The following PECR variants were observed in gnomAD, a reference collection of about 807,000 sequenced individuals.
The protein encoded by PECR is peroxisomal trans-2-enoyl-CoA reductase.
Under a neutral mutation model 35.3 loss-of-function variants are expected in PECR, and 30 were observed. The observed-to-expected ratio is 0.85, with a 90% confidence interval of 0.64 to 1.15. The LOEUF (loss-of-function observed/expected upper bound fraction) is 1.15, where lower values mean the gene tolerates loss of function less well. PECR is among the 50% of genes most tolerant of loss of function. PECR has a pLI of 0.00. For missense variants in PECR, 392 were observed against 370.8 expected (o/e 1.06, Z -0.47); for synonymous variants, 148 against 138.9 (o/e 1.07, Z -0.46).
At chr2:216,070,183 T>C (rs1422305788) in intron 1 of PECR, among the ~76,000 whole-genome samples, 2 of 152,242 alleles carry the variant, frequency 1.3e-5, no homozygotes, top group African/African-American at 4.8e-5. Flanking sequence ...TTTTTATTTT[T>C]AACTGACAAA....
chr2:216,033,102 T>G (rs1209513415), intron 7 of PECR: 1 of 152,238 alleles, frequency 6.6e-6, no homozygotes, highest in East Asian at 1.9e-4. Flanking sequence ...TACCCAAGAT[T>G]GAGAGACTAG....
intron 3 of PECR, among the ~76,000 whole-genome samples, chr2:216,059,819 G>A (rs543542701): frequency 1.3e-5 from 2 of 152,118 alleles, no homozygotes; most frequent in African/African-American, 4.8e-5. Flanking sequence ...TCAAGAAATA[G>A]CTTTGCAATC....
At chr2:216,051,591 AT>A in intron 4 of PECR, 46 bp from the exon 5 acceptor site, 1 of 1,175,922 alleles carries the variant, frequency 8.5e-7, no homozygotes. Flanking sequence ...TCTGTTGAAT[AT>A]TTCTCTTGTT....
chr2:216,072,354 T>C (rs1003668764), intron 1 of PECR, among the ~76,000 whole-genome samples: 1 of 152,242 alleles, frequency 6.6e-6, no homozygotes, highest in South Asian at 2.1e-4. Context: ...TTGTATAAGA[T>C]AAGCTAGCTA....
chr2:216,032,104 AC>A (rs1391887736), intron 7 of PECR, among the ~76,000 whole-genome samples: 2 of 152,218 alleles, frequency 1.3e-5, no homozygotes, highest in Non-Finnish European at 2.9e-5. Flanking sequence ...ATTCTAACTT[AC>A]ATCTACTGTG....
intron 5 of PECR, among the ~76,000 whole-genome samples, chr2:216,050,169 C>A (rs1386249743): frequency 6.6e-6 from 1 of 152,138 alleles, no homozygotes; most frequent in African/African-American, 2.4e-5. Context: ...CTGCAGTGAG[C>A]CGTGATCGCA....
At chr2:216,065,967 T>A (rs140147417) in intron 2 of PECR, among the ~76,000 whole-genome samples, 1 of 152,002 alleles carries the variant, frequency 6.6e-6, no homozygotes, top group East Asian at 1.9e-4. Flanking sequence ...TTATGAAAAA[T>A]ACAAAAATTA....
At chr2:216,065,942 C>T (rs6731068) in intron 2 of PECR, among the ~76,000 whole-genome samples, 111,662 of 152,120 alleles carry the variant, frequency 0.73, 41,102 homozygotes, top group Admixed American at 0.77. Context: ...CTGGCCAACA[C>T]GGTGAAACCC....
chr2:216,049,249 GAA>G lies in PECR; in HGVS notation c.714+12_714+13del. 8.0e-7 allele frequency: 1 copy of G among 1,246,500 alleles called. No individual in the cohort carries two copies. Among genetic ancestry groups the G allele is most frequent in the Non-Finnish European group, 1.2e-6 (1 of 844,192 alleles). 77.2% of individuals were successfully genotyped at this position (1,246,500 alleles called of 1,614,324 possible). A position where few individuals can be genotyped will look rare whatever the true frequency, so the allele number is the denominator to read the frequency against. On this transcript the variant is annotated intron_variant, in intron 6 of 7. Transcript: ENST00000265322. Reference sequence around the variant, plus strand: ...CACACAGCAATTCTAATCAATGCTGGAAATATACCTTACCTCCTCAGGAACAC... The same window carrying G: ...CACACAGCAATTCTAATCAATGCTGGATATACCTTACCTCCTCAGGAACAC...
chr2:216,078,235 T>C (rs550162675), intron 1 of PECR, among the ~76,000 whole-genome samples: 1 of 152,202 alleles, frequency 6.6e-6, no homozygotes, highest in Non-Finnish European at 1.5e-5. Context: ...AGGTCCGAGT[T>C]CAAGACCAGC....
intron 1 of PECR, among the ~76,000 whole-genome samples, chr2:216,071,346 G>T (rs912770615): frequency 5.3e-5 from 8 of 152,256 alleles, no homozygotes; most frequent in Admixed American, 5.2e-4. Context: ...ATTACCACGG[G>T]GTAAACTTCT....
intron 7 of PECR, among the ~76,000 whole-genome samples, chr2:216,031,387 A>G (rs1194836118): frequency 6.7e-6 from 1 of 150,120 alleles, no homozygotes; most frequent in Non-Finnish European, 1.5e-5. Flanking sequence ...AGCCTGGGCA[A>G]CAGAGTGAGA....
At chr2:216,080,963 G>A (rs1173788570) in intron 1 of PECR, among the ~76,000 whole-genome samples, 2 of 152,156 alleles carry the variant, frequency 1.3e-5, no homozygotes, top group East Asian at 1.9e-4. Context: ...CGAGACCAGC[G>A]TAGGCAACAG....
rs1414972500 is a variant in PECR, at chr2:216,038,774, C to CT, written c.*500dup. ...TACAGGTGTGTGCCACCACACCCGA[C>CT]TAATTTGTGTTTTTGTTTTTGTTGT... On this transcript the variant is annotated 3_prime_UTR_variant, in exon 8 of 8. Transcript: ENST00000265322. 1 of 168,832 alleles carries CT rather than the reference C, an allele frequency of 5.9e-6. No homozygotes were observed. Among genetic ancestry groups the CT allele is most frequent in the African/African-American group, 2.4e-5 (1 of 41,468 alleles). The allele number at this position is 168,832 out of a possible 1,614,324, so 10.5% of individuals were successfully genotyped here. A position where few individuals can be genotyped will look rare whatever the true frequency, so the allele number is the denominator to read the frequency against.
At chr2:216,061,312 A>C (rs907023073) in intron 3 of PECR, among the ~76,000 whole-genome samples, 12 of 8,848 alleles carry the variant, frequency 1.4e-3, no homozygotes, top group Non-Finnish European at 1.9e-3. Context: ...ACCCTGTCTC[A>C]AAAAAAAAAA....
chr2:216,034,426 G>A (rs997763615), downstream of PECR, among the ~76,000 whole-genome samples: 2 of 152,162 alleles, frequency 1.3e-5, no homozygotes, highest in Admixed American at 1.3e-4. Context: ...CTTGGGACAA[G>A]GGTGGTTCCC....
rs1209918631 is a variant in PECR, at chr2:216,065,509, A to G, written c.259-32T>C. On this transcript the variant is annotated intron_variant, in intron 2 of 7. Coordinates refer to ENST00000265322, the MANE Select transcript of PECR (RefSeq NM_018441.6). ...AAGAACAGTAGAAGTTACTAAAAGGAAAAGTTTAATAGCCTAACTTGCTAC... is the reference window on the plus strand; with the variant it reads ...AAGAACAGTAGAAGTTACTAAAAGGGAAAGTTTAATAGCCTAACTTGCTAC... 4 of 1,405,402 alleles carry G rather than the reference A, an allele frequency of 2.8e-6. No individual in the cohort carries two copies. The East Asian group carries it at 6.8e-5, about 24-fold the overall frequency. The allele number at this position is 1,405,402 out of a possible 1,614,324, so 87.1% of individuals were successfully genotyped here.
At chr2:216,056,718 T>C (rs1452616144) in intron 4 of PECR, among the ~76,000 whole-genome samples, 2 of 113,674 alleles carry the variant, frequency 1.8e-5, no homozygotes, top group Non-Finnish European at 3.4e-5. Context: ...CAAAACTCCA[T>C]CTCAGAAAAA....
chr2:216,053,974 A>G (rs1387102832), intron 4 of PECR, among the ~76,000 whole-genome samples: 2 of 152,168 alleles, frequency 1.3e-5, no homozygotes, highest in Non-Finnish European at 2.9e-5. Flanking sequence ...GATGACCTTT[A>G]GACTCTTATG....
Sources: allele counts gnomAD v4.1 joint callset (sites outside exome capture counted in the v4.1 genomes callset), GRCh38; gene constraint gnomAD v4.1.1; transcripts MANE v1.5; gene names NCBI Gene and HGNC (gene_info 2026-07-23, HGNC 2026-07-21).